DOCK8: variants seen among roughly 807,000 people sequenced by gnomAD.
The protein encoded by DOCK8 is dedicator of cytokinesis protein 8.
Under a neutral mutation model 245.6 loss-of-function variants are expected in DOCK8, and 141 were observed. The observed-to-expected ratio is 0.57, with a 90% CI of 0.50 to 0.66. The LOEUF (loss-of-function observed/expected upper bound fraction) is 0.66. DOCK8 is among the 30% of genes least tolerant of loss of function. The pLI is 0.00. For missense variants in DOCK8, 2,965 were observed against 2,603.4 expected, an observed-to-expected ratio of 1.14 and a Z score of -3.02; for synonymous variants, 1,168 against 970.2, an observed-to-expected ratio of 1.20 and a Z score of -3.79.
chr9:259,080 G>A (rs2047853928), intron 1 of DOCK8, among the ~76,000 whole-genome samples: 2 of 152,088 alleles, frequency 1.3e-5, no homozygotes. Flanking sequence ...GCTGAGGCAG[G>A]AGGATCACCT....
In DOCK8 at chr9:420,544, A is replaced by G. The variant is rs2131638968; in HGVS notation, c.3984A>G (p.Leu1328=). ...DLPSTQLNRI[L]DLLFICVLCF... Reference sequence around the variant, plus strand: ...CATCAACGCAGCTCAACAGGATTTTAGATCTACTTTTCATCTGTGTGTTAT... The same window carrying G: ...CATCAACGCAGCTCAACAGGATTTTGGATCTACTTTTCATCTGTGTGTTAT... Residue 1328 remains leucine (L), a synonymous_variant, in exon 31 of 48, where the codon TTA becomes TTG. Coordinates refer to ENST00000432829, the MANE Select transcript of DOCK8 (RefSeq NM_203447.4). The G allele has an allele frequency of 6.2e-7, 1 of 1,614,208 alleles. No homozygotes were observed. Among genetic ancestry groups the G allele is most frequent in the Non-Finnish European group, 8.5e-7 (1 of 1,180,036 alleles).
At chr9:390,606 A>G in intron 24 of DOCK8, 40 bp downstream of exon 24, 1 of 1,574,900 alleles carries the variant, frequency 6.3e-7, no homozygotes, top group South Asian at 1.1e-5. Flanking sequence ...TCAATAGGCC[A>G]AGAGAAGCAC....
rs577836064 is a variant in DOCK8 at position 322,570 on chromosome 9, C to G, written c.828-3101C>G. Among the ~76,000 whole-genome samples the G allele has an allele frequency of 2.0e-5, 3 of 150,992 alleles. No homozygotes were observed. The South Asian group carries it at 6.2e-4, about 31-fold the overall frequency. On this transcript the variant is annotated intron_variant, in intron 7 of 47. Transcript: ENST00000432829. ...AAATGCAGATAATATCTGCATTACG[C>G]TGTAGTTGTGTAAAGAGACTGATGT...
chr9:292,944 A>G lies in DOCK8; in HGVS notation c.404+3363A>G, dbSNP rs191485724. ...GTCTCCATTTGTTTTTATCTTTTCT[A>G]CAGAAGCAATGGTTACCCATATATT... On this transcript the variant is annotated intron_variant, in intron 4 of 47. Transcript: ENST00000432829. Among the ~76,000 whole-genome samples the G allele has an allele frequency of 3.9e-5, 6 of 152,160 alleles. No individual in the cohort carries two copies. In the East Asian group the frequency reaches 7.7e-4, roughly 20 times the overall value.
At chr9:281,836 G>C (rs1221797187) in intron 2 of DOCK8, among the ~76,000 whole-genome samples, 2 of 152,226 alleles carry the variant, frequency 1.3e-5, no homozygotes, top group African/African-American at 2.4e-5. Flanking sequence ...GGCAAGACTA[G>C]TTTACACCAC....
At chr9:314,556 A>C (rs1038243251) in intron 6 of DOCK8, 1 of 152,192 alleles carries the variant, frequency 6.6e-6, no homozygotes, top group African/African-American at 2.4e-5. Flanking sequence ...GAGCAGGCCT[A>C]ATGGGGCCTG....
At chr9:431,482 A>G (rs1273673463) in intron 36 of DOCK8, among the ~76,000 whole-genome samples, 1 of 151,936 alleles carries the variant, frequency 6.6e-6, no homozygotes, top group African/African-American at 2.4e-5. Context: ...GGAGTTCAAA[A>G]TCTCAGAAAT....
Position 420,575 on chromosome 9 carries a change from G to A in DOCK8, c.4015G>A (p.Glu1339Lys). ...ACTTTTCATCTGTGTGTTATGTTTT[G>A]AGTATAAGGTAAGTCTGGAGTGGCA... ...DLLFICVLCF[E>K]YKGKQSSDKV... The change falls in exon 31 of 48, where the codon GAG becomes AAG. Residue 1339 changes from glutamate (E) to lysine (K), a missense_variant. Around this residue, in one of 3 missense-constraint regions of DOCK8, gnomAD observed 2,825 missense variants for 2,453.5 expected, o/e 1.15. Transcript: ENST00000432829. 1 of 1,614,114 alleles carries A rather than the reference G, an allele frequency of 6.2e-7. No individual in the cohort carries two copies. The highest frequency in any genetic ancestry group is 8.5e-7 in the Non-Finnish European group (1 of 1,180,052).
intron 11 of DOCK8, among the ~76,000 whole-genome samples, chr9:335,955 C>A (rs1255697389): frequency 6.6e-6 from 1 of 152,186 alleles, no homozygotes; most frequent in Non-Finnish European, 1.5e-5. Context: ...ATAAAAGCAA[C>A]AAGATCTCCA....
At chr9:384,998 T>C (rs2053891352) in intron 22 of DOCK8, among the ~76,000 whole-genome samples, 1 of 152,220 alleles carries the variant, frequency 6.6e-6, no homozygotes, top group Non-Finnish European at 1.5e-5. Context: ...GTTTGAGCCA[T>C]CAGGAATTAT....
At position 358,498 on chromosome 9, in the gene DOCK8, T is replaced by C. The variant is rs144698674; in HGVS notation, c.1680-9520T>C. Among the ~76,000 whole-genome samples the C allele has an allele frequency of 6.1e-4, 93 of 152,338 alleles. 2 individuals are homozygous for C. Among genetic ancestry groups the C allele is most frequent in the African/African-American group, 2.1e-3 (87 of 41,584 alleles). On this transcript the variant is annotated intron_variant, in intron 14 of 47. Coordinates refer to ENST00000432829, the MANE Select transcript of DOCK8 (RefSeq NM_203447.4). ...AAGGAGAGAGAAATAAATCTAAGTG[T>C]GTGTAAGGTTAATATGTACACAGAA...
chr9:342,074 A>G (rs2051625325), intron 14 of DOCK8, among the ~76,000 whole-genome samples: 1 of 152,152 alleles, frequency 6.6e-6, no homozygotes, highest in African/African-American at 2.4e-5. Context: ...TTATTTCATT[A>G]TATATTGCAA....
intron 5 of DOCK8, among the ~76,000 whole-genome samples, chr9:309,776 G>T (rs1296985394): frequency 4.6e-5 from 7 of 152,142 alleles, no homozygotes; most frequent in African/African-American, 1.7e-4. Context: ...TTCAGCTTTG[G>T]TGTCTATACA....
At position 286,712 on chromosome 9, in the gene DOCK8, T is replaced by C; in HGVS notation, c.332+76T>C. 2.9e-6 allele frequency: 4 copies of C among 1,374,522 alleles called. No individual in the cohort carries two copies. In the South Asian group the frequency reaches 4.7e-5, roughly 16 times the overall value. The allele number at this position is 1,374,522 out of a possible 1,614,324, so 85.1% of individuals were successfully genotyped here. ...TCAATAAGTGGGTAGGGGAGATGCC[T>C]TCAATCTGAACTTAAAAATAAAATA... On this transcript the variant is annotated intron_variant, in intron 3 of 47. Transcript: ENST00000432829.
At chr9:372,432 C>CT in intron 18 of DOCK8, 146 bp downstream of exon 18, 1 of 739,644 alleles carries the variant, frequency 1.4e-6, no homozygotes, top group Non-Finnish European at 2.4e-6. Flanking sequence ...GGAGGAATAA[C>CT]TGACTGTGAA....
At chr9:327,448 C>A (rs546887639) in intron 8 of DOCK8, among the ~76,000 whole-genome samples, 5 of 146,870 alleles carry the variant, frequency 3.4e-5, no homozygotes, top group African/African-American at 1.3e-4. Flanking sequence ...GGCTGGCATG[C>A]AGTGGGGCGA....
rs1161300203 is a variant in DOCK8 at position 400,318 on chromosome 9, A to T, written c.3234+1059A>T. On this transcript the variant is annotated intron_variant, in intron 26 of 47. Coordinates refer to ENST00000432829, the MANE Select transcript of DOCK8 (RefSeq NM_203447.4). ...CACCACCATCTTCACCGTCACCACCACCTCCACCACCACCACCTCCTCCAC... is the reference window on the plus strand; with the variant it reads ...CACCACCATCTTCACCGTCACCACCTCCTCCACCACCACCACCTCCTCCAC... Among the ~76,000 whole-genome samples the T allele has an allele frequency of 1.8e-4, 13 of 71,732 alleles. 1 individual carries two copies. Among genetic ancestry groups the T allele is most frequent in the South Asian group, 1.1e-3 (2 of 1,748 alleles). 47.1% of individuals were successfully genotyped at this position (71,732 alleles called of 152,430 possible).
chr9:355,492 G>A (rs1375660062), intron 14 of DOCK8, among the ~76,000 whole-genome samples: 8 of 151,848 alleles, frequency 5.3e-5, no homozygotes, highest in South Asian at 2.1e-4. Flanking sequence ...ATGAGCCACC[G>A]TGCCCAGCCC....
At chr9:228,523 A>G (rs1210480766) in intron 1 of DOCK8, among the ~76,000 whole-genome samples, 1 of 152,050 alleles carries the variant, frequency 6.6e-6, no homozygotes, top group Non-Finnish European at 1.5e-5. Context: ...TTTTATAATT[A>G]TGTTTTTCTG....
Sources: allele counts gnomAD v4.1 joint callset (sites outside exome capture counted in the v4.1 genomes callset), GRCh38; gene constraint gnomAD v4.1.1; regional missense constraint gnomAD v4.1.1; transcripts MANE v1.5; gene names NCBI Gene and HGNC (gene_info 2026-07-23, HGNC 2026-07-21).